The following VPS52 variants were observed in gnomAD, a reference collection of about 807,000 sequenced individuals.
VPS52 encodes the protein VPS52 subunit of GARP complex.
VPS52 carries 56 observed loss-of-function variants against 98.7 expected under a neutral mutation model. The ratio of observed to expected loss-of-function variants is 0.57; its 90% CI spans 0.46 to 0.71. The LOEUF is 0.71. VPS52 is among the 30% of genes least tolerant of loss of function. The probability of loss-of-function intolerance (pLI) is 0.00; values close to 1 mark genes in which losing one functional copy is unlikely to be tolerated. For synonymous variants in VPS52, 348 were observed against 346.4 expected (o/e 1.00, Z -0.05); for missense variants, 742 against 925.9 (o/e 0.80, Z 2.58).
Position 33,250,462 on chromosome 6 carries a change from A to C in VPS52, c.*379T>G, listed in dbSNP as rs1762082139. On this transcript the variant is annotated 3_prime_UTR_variant, in exon 20 of 20. Transcript: ENST00000445902. ...TTGCCAGCAATTCCAAGAGCTGAGG[A>C]GGCTTCATGCCTCAGGACATGGTGA... 5.0e-6 allele frequency: 1 copy of C among 198,400 alleles called. No individual in the cohort carries two copies. Among genetic ancestry groups the C allele is most frequent in the Non-Finnish European group, 1.0e-5 (1 of 98,292 alleles). 12.3% of individuals were successfully genotyped at this position (198,400 alleles called of 1,614,324 possible). A position where few individuals can be genotyped will look rare whatever the true frequency, so the allele number is the denominator to read the frequency against.
At chr6:33,256,199 ACT>A (rs960532688) in intron 17 of VPS52, among the ~76,000 whole-genome samples, 2 of 151,912 alleles carry the variant, frequency 1.3e-5, no homozygotes, top group African/African-American at 2.4e-5. Flanking sequence ...ACATTAAAAG[ACT>A]CTCTTAAAAA....
intron 17 of VPS52, among the ~76,000 whole-genome samples, chr6:33,261,592 A>C (rs537817686): frequency 7.2e-5 from 11 of 152,338 alleles, no homozygotes; most frequent in Middle Eastern, 3.4e-3. Context: ...AAATGGATTA[A>C]AGACTTAAAT....
At chr6:33,264,132 C>G (rs1001184413) in intron 14 of VPS52, 29 bp from the exon 15 acceptor site, 3 of 1,610,578 alleles carry the variant, frequency 1.9e-6, no homozygotes, top group Non-Finnish European at 2.5e-6. Context: ...GAAAATCACA[C>G]CCACCTCCTG....
At chr6:33,270,673 G>A (rs1320739550) in intron 1 of VPS52, among the ~76,000 whole-genome samples, 3 of 152,014 alleles carry the variant, frequency 2.0e-5, no homozygotes, top group East Asian at 1.9e-4. Flanking sequence ...AGTGGAGGCC[G>A]GACGCAGTGG....
In VPS52 at chr6:33,267,425, C is replaced by T. The variant is rs910765571; in HGVS notation, c.992-104G>A. 7 of 1,493,722 alleles carry T rather than the reference C, an allele frequency of 4.7e-6. No homozygotes were observed. The African/African-American group carries it at 8.4e-5, about 18-fold the overall frequency. 92.5% of individuals were successfully genotyped at this position (1,493,722 alleles called of 1,614,324 possible). On this transcript the variant is annotated intron_variant, in intron 10 of 19. Transcript: ENST00000445902. This position sits in a 1 kb window ranked among gnomAD's most constrained non-coding sequence, Gnocchi z 4.2. ...AGGCAGACGTGGCCTAGCCAGCCCT[C>T]TTTCCCAGTACTAGGGCCCCACGTG... is the stretch of plus-strand genomic sequence containing the variant.
intron 14 of VPS52, 135 bp downstream of exon 14, chr6:33,264,239 C>G (rs1224629961): frequency 1.3e-6 from 2 of 1,545,072 alleles, no homozygotes; most frequent in Non-Finnish European, 1.8e-6. Flanking sequence ...CACCACTCAC[C>G]ATGAGTTTCA....
At position 33,268,385 on chromosome 6, in the gene VPS52, C is replaced by T. The variant is rs1434346919; in HGVS notation, c.699+114G>A. On this transcript the variant is annotated intron_variant, in intron 7 of 19. Transcript: ENST00000445902. This position sits in a 1 kb window ranked among gnomAD's most constrained non-coding sequence, Gnocchi z 4.0. ...CAAGAATGGGGCTGCCCAGAAAAGG[C>T]AGGGTGAAGTCCCTGGAGACAGGCT... is the stretch of plus-strand genomic sequence containing the variant. 1.4e-6 allele frequency: 2 copies of T among 1,422,154 alleles called. No individual in the cohort carries two copies. The highest frequency in any genetic ancestry group is 2.1e-5 in the Admixed American group (1 of 46,688). The allele number at this position is 1,422,154 out of a possible 1,614,324, so 88.1% of individuals were successfully genotyped here.
chr6:33,271,511 G>A (rs1220003841), intron 1 of VPS52, 75 bp downstream of exon 1: 15 of 1,547,816 alleles, frequency 9.7e-6, no homozygotes, highest in Non-Finnish European at 9.6e-6. Context: ...CCACCCTTGT[G>A]CCTAAACCCA....
At chr6:33,254,300 T>A (rs1417759267) in intron 17 of VPS52, among the ~76,000 whole-genome samples, 1 of 152,012 alleles carries the variant, frequency 6.6e-6, no homozygotes, top group Non-Finnish European at 1.5e-5. Flanking sequence ...AATAAATAAA[T>A]AAAAATTGTA....
In VPS52 at chr6:33,267,087, G is replaced by A; in HGVS notation, c.1125+101C>T. On this transcript the variant is annotated intron_variant, in intron 11 of 19. Coordinates refer to ENST00000445902, the MANE Select transcript of VPS52 (RefSeq NM_022553.6). This position sits in a 1 kb window ranked among gnomAD's most constrained non-coding sequence, Gnocchi z 4.2. ...CCACTCCCAAGTCTAAGGGGATTAA[G>A]ACAGGGCCTGCAGGTTGGGAAGCTC... is the stretch of plus-strand genomic sequence containing the variant. 1 of 1,414,718 alleles carries A rather than the reference G, an allele frequency of 7.1e-7. No individual in the cohort carries two copies. Among genetic ancestry groups the A allele is most frequent in the Non-Finnish European group, 9.3e-7 (1 of 1,075,020 alleles). 87.6% of individuals were successfully genotyped at this position (1,414,718 alleles called of 1,614,324 possible).
chr6:33,260,804 C>A (rs1394445498), intron 17 of VPS52, among the ~76,000 whole-genome samples: 1 of 151,882 alleles, frequency 6.6e-6, no homozygotes, highest in Non-Finnish European at 1.5e-5. Context: ...GTTTTAAGAC[C>A]AGCTGGGCCA....
At position 33,270,950 on chromosome 6, in the gene VPS52, C is replaced by CAAAA. The variant is rs9280391; in HGVS notation, c.90+632_90+635dup. ...TGGGCGACAGAGCAAGACTCCGTCT[C>CAAAA]AAAAAAAAAAAAAAAAAAAAAAAAG... On this transcript the variant is annotated intron_variant, in intron 1 of 19. Coordinates refer to ENST00000445902, the MANE Select transcript of VPS52 (RefSeq NM_022553.6). 3.8e-4 allele frequency among the ~76,000 whole-genome samples: 32 copies of CAAAA among 84,662 alleles called. 1 individual carries two copies. The highest frequency in any genetic ancestry group is 1.8e-3 in the African/African-American group (32 of 17,698). 55.5% of individuals were successfully genotyped at this position (84,662 alleles called of 152,430 possible). A position where few individuals can be genotyped will look rare whatever the true frequency, so the allele number is the denominator to read the frequency against.
At chr6:33,264,973 C>A in intron 12 of VPS52, 73 bp from the exon 13 acceptor site, 1 of 1,323,046 alleles carries the variant, frequency 7.6e-7, no homozygotes, top group East Asian at 2.3e-5. Context: ...TATGAACAAA[C>A]GCATTTGTTT....
At position 33,263,845 on chromosome 6, in the gene VPS52, GCTGCCA is replaced by G; in HGVS notation, c.1649_1654del (p.Val550_Ala551del). The stretch of plus-strand genomic sequence containing the variant: ...CTGCTCCTTCCTTGAGGAGAACTCA[GCTGCCA>G]CTCGGAGGACAAAATTCTCCACCTC... On this transcript the variant is annotated inframe_deletion, in exon 16 of 20. Transcript: ENST00000445902. 6.2e-7 allele frequency: 1 copy of G among 1,613,972 alleles called. No individual in the cohort carries two copies. The highest frequency in any genetic ancestry group is 8.5e-7 in the Non-Finnish European group (1 of 1,179,978).
intron 17 of VPS52, among the ~76,000 whole-genome samples, chr6:33,258,989 C>A (rs961736956): frequency 6.6e-6 from 1 of 152,110 alleles, no homozygotes; most frequent in Admixed American, 6.6e-5. Context: ...CCTTGCAGAC[C>A]CCTGACCCGG....
At chr6:33,263,647 T>A in intron 16 of VPS52, 98 bp from the exon 17 acceptor site, 1 of 1,578,644 alleles carries the variant, frequency 6.3e-7, no homozygotes, top group Non-Finnish European at 8.7e-7. Context: ...AGCTGGACAC[T>A]GTGCCAGACT....
chr6:33,256,957 A>G (rs896390338), intron 17 of VPS52, among the ~76,000 whole-genome samples: 1 of 152,132 alleles, frequency 6.6e-6, no homozygotes, highest in Non-Finnish European at 1.5e-5. Flanking sequence ...ATCACACACA[A>G]AAATTAATTC....
Position 33,269,079 on chromosome 6 carries a change from G to A in VPS52, c.483C>T (p.Arg161=). 1 of 1,612,908 alleles carries A rather than the reference G, an allele frequency of 6.2e-7. No individual in the cohort carries two copies. Among genetic ancestry groups the A allele is most frequent in the South Asian group, 1.1e-5 (1 of 91,068 alleles). ...SGAMNIRLRN[R]QAVRGKLGEL... is the part of the protein sequence containing the mutation. ...CCCCAAGTTTCCCCCGAACTGCCTG[G>A]CGATTTCGAAGTCGAATGTTCATGG... is the stretch of plus-strand genomic sequence containing the variant. Residue 161 remains arginine, a synonymous_variant, in exon 6 of 20, where the codon CGC becomes CGT. Coordinates refer to ENST00000445902, the MANE Select transcript of VPS52 (RefSeq NM_022553.6).
intron 17 of VPS52, among the ~76,000 whole-genome samples, chr6:33,262,408 T>C (rs1296891598): frequency 1.3e-5 from 2 of 152,288 alleles, no homozygotes; most frequent in Middle Eastern, 3.4e-3. Context: ...GGAACCCTTA[T>C]ACACTGTTGG....
Sources: gnomAD v4.1 joint callset for allele counts (sites outside exome capture counted in the v4.1 genomes callset) on GRCh38, gnomAD v4.1.1 for gene constraint, Gnocchi (gnomAD v3.1) non-coding constraint, MANE v1.5 for transcripts, NCBI Gene and HGNC (gene_info 2026-07-23, HGNC 2026-07-21) for gene names.